The following SIPA1L1 variants were observed in gnomAD, a reference collection of about 807,000 sequenced individuals.
SIPA1L1 encodes the protein signal-induced proliferation-associated 1-like protein 1.
SIPA1L1 carries 26 observed loss-of-function variants against 162.7 expected under a neutral mutation model. That is an observed-to-expected ratio of 0.16 (90% CI 0.12 to 0.22). The LOEUF is 0.22. Among genes scored for constraint, SIPA1L1 ranks in the 10% least tolerant of loss-of-function variants. SIPA1L1 has a pLI of 1.00. For synonymous variants in SIPA1L1, 829 were observed against 837.4 expected (o/e 0.99, Z 0.17); for missense variants, 1,874 against 2,241.0 (o/e 0.84, Z 3.31).
At chr14:71,427,497 C>T (rs1477967279) in intron 2 of SIPA1L1, among the ~76,000 whole-genome samples, 1 of 152,128 alleles carries the variant, frequency 6.6e-6, no homozygotes, top group Non-Finnish European at 1.5e-5. Flanking sequence ...TAATGTGTAT[C>T]AATGGGGGTC....
chr14:71,518,389 A>G (rs2051959727), intron 3 of SIPA1L1, among the ~76,000 whole-genome samples: 2 of 152,186 alleles, frequency 1.3e-5, no homozygotes, highest in Admixed American at 6.5e-5. Flanking sequence ...TTCCCTCCAC[A>G]TGCATAAACA....
chr14:71,509,478 C>T (rs1399703228), intron 2 of SIPA1L1, among the ~76,000 whole-genome samples: 1 of 152,160 alleles, frequency 6.6e-6, no homozygotes, highest in African/African-American at 2.4e-5. Context: ...CACGGTGGCT[C>T]ACGCCTATAA....
chr14:71,616,336 A>G (rs1421895294), intron 5 of SIPA1L1, among the ~76,000 whole-genome samples: 1 of 152,244 alleles, frequency 6.6e-6, no homozygotes, highest in Non-Finnish European at 1.5e-5. Context: ...TTGGTGACCC[A>G]TGCAGTGGAA....
intron 4 of SIPA1L1, among the ~76,000 whole-genome samples, chr14:71,561,350 A>G (rs1320580580): frequency 6.6e-6 from 1 of 152,136 alleles, no homozygotes; most frequent in Non-Finnish European, 1.5e-5. Flanking sequence ...TTAATGTTGT[A>G]TATTACTTTC....
chr14:71,544,517 T>G (rs1003257769), intron 4 of SIPA1L1, among the ~76,000 whole-genome samples: 57 of 152,316 alleles, frequency 3.7e-4, no homozygotes, highest in African/African-American at 1.3e-3. Flanking sequence ...CTGTACTATG[T>G]GTTACCTAAG....
intron 2 of SIPA1L1, among the ~76,000 whole-genome samples, chr14:71,331,377 T>A (rs1332272593): frequency 6.6e-6 from 1 of 152,248 alleles, no homozygotes; most frequent in African/African-American, 2.4e-5. Flanking sequence ...GAAGTGACAT[T>A]AAACAATTCA....
At chr14:71,644,551 T>C (rs1009268808) in intron 7 of SIPA1L1, among the ~76,000 whole-genome samples, 3 of 152,232 alleles carry the variant, frequency 2.0e-5, no homozygotes, top group Admixed American at 6.5e-5. Flanking sequence ...ATGAATCTTT[T>C]ATTCATGCAT....
chr14:71,328,986 C>A (rs1594833533), intron 2 of SIPA1L1, among the ~76,000 whole-genome samples: 2 of 152,188 alleles, frequency 1.3e-5, no homozygotes, highest in African/African-American at 4.8e-5. Context: ...TTCTATGAAT[C>A]TGGCTACTTT....
chr14:71,470,721 C>T (rs2047384319), intron 2 of SIPA1L1, among the ~76,000 whole-genome samples: 1 of 152,042 alleles, frequency 6.6e-6, no homozygotes, highest in South Asian at 2.1e-4. Context: ...GTAGTCTGTT[C>T]CCAAGCTGTG....
intron 2 of SIPA1L1, among the ~76,000 whole-genome samples, chr14:71,362,355 C>T (rs1340602913): frequency 1.3e-5 from 2 of 152,154 alleles, no homozygotes; most frequent in Non-Finnish European, 2.9e-5. Context: ...TGAAAGACTT[C>T]CTTTGAGGCT....
intron 21 of SIPA1L1, among the ~76,000 whole-genome samples, chr14:71,734,806 T>G (rs1482060586): frequency 6.6e-6 from 1 of 152,244 alleles, no homozygotes; most frequent in Non-Finnish European, 1.5e-5. Context: ...TTTTCTTGGC[T>G]TAAATTTTAA....
intron 3 of SIPA1L1, among the ~76,000 whole-genome samples, chr14:71,519,113 C>A (rs1302379768): frequency 6.6e-6 from 1 of 152,012 alleles, no homozygotes; most frequent in Non-Finnish European, 1.5e-5. Flanking sequence ...ACAGTCAAAC[C>A]ATATCACCCC....
chr14:71,600,942 G>A (rs2036671962), intron 5 of SIPA1L1, among the ~76,000 whole-genome samples: 1 of 152,080 alleles, frequency 6.6e-6, no homozygotes, highest in African/African-American at 2.4e-5. Flanking sequence ...TGTTGATGTT[G>A]ATTTTGTATA....
chr14:71,641,896 T>G (rs1231853036), intron 7 of SIPA1L1, among the ~76,000 whole-genome samples: 1 of 152,198 alleles, frequency 6.6e-6, no homozygotes, highest in Non-Finnish European at 1.5e-5. Context: ...GATGCAGGGA[T>G]GGACTGCAAA....
At chr14:71,600,042 T>C (rs2036545541) in intron 5 of SIPA1L1, among the ~76,000 whole-genome samples, 1 of 152,178 alleles carries the variant, frequency 6.6e-6, no homozygotes, top group African/African-American at 2.4e-5. Context: ...TTTGGAAATA[T>C]TTTACCCCAT....
At position 71,685,382 on chromosome 14, in the gene SIPA1L1, G is replaced by C; in HGVS notation, c.3125G>C (p.Arg1042Pro). The stretch of plus-strand genomic sequence containing the variant: ...AATAGGAGTTGCTCTGAAACCTACC[G>C]CATGCCAGTGATGGAGTACAAAATG... ...TPRRSCSETY[R>P]MPVMEYKMNE... The change falls in exon 13 of 24, where the codon CGC becomes CCC. Residue 1042 changes from arginine to proline, a missense_variant. Physicochemically the swap from Arg to Pro is moderately radical, Grantham distance 103. Around this residue, in one of 5 missense-constraint regions of SIPA1L1, gnomAD observed 936 missense variants for 1,051.9 expected, o/e 0.89. Coordinates refer to ENST00000381232, the MANE Select transcript of SIPA1L1 (RefSeq NM_001386936.1). 1.2e-6 allele frequency: 2 copies of C among 1,614,076 alleles called. No individual in the cohort carries two copies.
At chr14:71,610,174 T>A (rs1260452554) in intron 5 of SIPA1L1, among the ~76,000 whole-genome samples, 1 of 152,254 alleles carries the variant, frequency 6.6e-6, no homozygotes, top group Non-Finnish European at 1.5e-5. Context: ...TAATATTGTT[T>A]GTTGTCTGCA....
chr14:71,658,536 G>A, intron 9 of SIPA1L1, 100 bp downstream of exon 9: 1 of 774,572 alleles, frequency 1.3e-6, no homozygotes, highest in Non-Finnish European at 2.3e-6. Context: ...ATTTAGTGTT[G>A]CACCTGTCAC....
intron 4 of SIPA1L1, among the ~76,000 whole-genome samples, chr14:71,559,563 T>A (rs2056618604): frequency 6.6e-6 from 1 of 152,228 alleles, no homozygotes; most frequent in South Asian, 2.1e-4. Flanking sequence ...CTCATAGAGA[T>A]GTTATGTGAA....
Sources: allele counts gnomAD v4.1 joint callset (sites outside exome capture counted in the v4.1 genomes callset), GRCh38; gene constraint gnomAD v4.1.1; regional missense constraint gnomAD v4.1.1; transcripts MANE v1.5; gene names NCBI Gene and HGNC (gene_info 2026-07-23, HGNC 2026-07-21).